Variants in KLHDC8A observed in about 807,000 individuals in gnomAD.
KLHDC8A encodes kelch domain containing 8A.
In KLHDC8A, 21 loss-of-function variants were observed where a neutral mutation model predicts 33.1. The observed-to-expected ratio is 0.64, with a 90% CI of 0.45 to 0.91. The LOEUF is 0.91. KLHDC8A is among the 40% of genes least tolerant of loss of function. KLHDC8A has a pLI of 0.00. For missense variants in KLHDC8A, 435 were observed against 483.3 expected (o/e 0.90, Z 0.94); for synonymous variants, 173 against 193.5 (o/e 0.89, Z 0.88).
At chr1:205,350,719 C>T (rs1663074260) in intron 1 of KLHDC8A, among the ~76,000 whole-genome samples, 1 of 152,234 alleles carries the variant, frequency 6.6e-6, no homozygotes, top group Admixed American at 6.5e-5. Flanking sequence ...TACACACCAG[C>T]CCTGCTGCTT....
Position 205,339,789 on chromosome 1 carries a change from T to C in KLHDC8A, c.396A>G (p.Ala132=). The change falls in exon 3 of 6, where the codon GCA becomes GCG. Residue 132 remains alanine, a synonymous_variant. Transcript: ENST00000367155. The surrounding 1 kb of genome is among the most constrained non-coding windows in gnomAD (Gnocchi z 5.1). Reference sequence around the variant, plus strand: ...GACGTAGGTCCAGGCCCATCCCGCCTGCCGCATATACTCGGTAATCTAAGA... The same window carrying C: ...GACGTAGGTCCAGGCCCATCCCGCCCGCCGCATATACTCGGTAATCTAAGA... ...VTAKDYRVYA[A]GGMGLDLRPH... is the part of the protein sequence containing the mutation. The C allele has an allele frequency of 1.2e-6, 2 of 1,613,974 alleles. No homozygotes were observed. The highest frequency in any genetic ancestry group is 1.7e-6 in the Non-Finnish European group (2 of 1,179,960).
At chr1:205,341,969 G>A (rs532678237) in intron 2 of KLHDC8A, among the ~76,000 whole-genome samples, 1 of 152,320 alleles carries the variant, frequency 6.6e-6, no homozygotes, top group Admixed American at 6.5e-5. Flanking sequence ...TCTTTCAATA[G>A]ACTGTAGGCC....
In KLHDC8A at chr1:205,343,346, C is replaced by A. The variant is rs370705821; in HGVS notation, c.259G>T (p.Val87Leu). ...LGKRIMVIGG[V>L]GTNQLPLKVV... ...TTCAGGGGCAGCTGATTGGTGCCCACGCCCCCAATCACCATGATCCGCTTC... is the reference window on the plus strand; with the variant it reads ...TTCAGGGGCAGCTGATTGGTGCCCAAGCCCCCAATCACCATGATCCGCTTC... The change falls in exon 2 of 6, where the codon GTG (valine) becomes TTG (leucine). Residue 87 changes from valine to leucine, a missense_variant. Transcript: ENST00000367155. 6.2e-7 allele frequency: 1 copy of A among 1,613,776 alleles called. No homozygotes were observed. The highest frequency in any genetic ancestry group is 1.7e-5 in the Admixed American group (1 of 60,026).
chr1:205,339,682 G>T lies in KLHDC8A; in HGVS notation c.503C>A (p.Ala168Asp), dbSNP rs1662737347. Residue 168 changes from alanine (A) to aspartate (D), a missense_variant, in exon 3 of 6, where the codon GCC becomes GAC. By Grantham distance (126) the Ala-to-Asp change is moderately radical. Coordinates refer to ENST00000367155, the MANE Select transcript of KLHDC8A (RefSeq NM_018203.3). This position sits in a 1 kb window ranked among gnomAD's most constrained non-coding sequence, Gnocchi z 5.1. The stretch of plus-strand genomic sequence containing the variant: ...CTTGGAGCCTCGGAGGAAGGAGGTG[G>T]CAGCATATCTCGGGGTGGGCATGGG... ...LAPMPTPRYA[A>D]TSFLRGSKIY... 1.2e-5 allele frequency: 19 copies of T among 1,614,066 alleles called. No individual in the cohort carries two copies. The highest frequency in any genetic ancestry group is 1.3e-5 in the Non-Finnish European group (15 of 1,180,034).
intron 1 of KLHDC8A, among the ~76,000 whole-genome samples, chr1:205,352,382 CACACACACACAT>C (rs1663138451): frequency 6.6e-6 from 1 of 152,112 alleles, no homozygotes; most frequent in Middle Eastern, 3.2e-3. Context: ...ACATTACACA[CACACACACACAT>C]ACACACACCC....
At chr1:205,342,375 G>C (rs951035842) in intron 2 of KLHDC8A, among the ~76,000 whole-genome samples, 1 of 152,170 alleles carries the variant, frequency 6.6e-6, no homozygotes, top group African/African-American at 2.4e-5. Context: ...ATGCTGCCCT[G>C]GGGGATTCTG....
intron 2 of KLHDC8A, among the ~76,000 whole-genome samples, chr1:205,340,492 C>CT (rs1011274744): frequency 6.1e-5 from 9 of 148,428 alleles, no homozygotes; most frequent in East Asian, 2.0e-4. Flanking sequence ...GAGAGGTATT[C>CT]TTTTTTTTTT....
In KLHDC8A at chr1:205,339,437, G is replaced by A. The variant is rs1323965911; in HGVS notation, c.542-28C>T. 2 of 1,599,010 alleles carry A rather than the reference G, an allele frequency of 1.3e-6. No homozygotes were observed. The highest frequency in any genetic ancestry group is 1.3e-5 in the African/African-American group (1 of 74,574). ...GGGGGCCAGAGCAGGATAGAGGTTG[G>A]GCAGAAGGGTTGTCCCTGAGGACAG... On this transcript the variant is annotated intron_variant, in intron 3 of 5. Transcript: ENST00000367155. The surrounding 1 kb of genome is among the most constrained non-coding windows in gnomAD (Gnocchi z 5.1).
intron 1 of KLHDC8A, among the ~76,000 whole-genome samples, chr1:205,354,403 C>A (rs1031122671): frequency 6.6e-6 from 1 of 152,186 alleles, no homozygotes; most frequent in African/African-American, 2.4e-5. Flanking sequence ...TGGACAGCAG[C>A]AATGCTTGGT....
rs573849584 is a variant in KLHDC8A, at chr1:205,337,549, T to C, written c.903A>G (p.Pro301=). ...GGAGGATCTCCCATTTGTTCTTCCC[T>C]GGGTGGAATGCTTCCGCCGTCTCCA... ...TVLETAEAFH[P]GKNKWEILPA... The change falls in exon 6 of 6, where the codon CCA becomes CCG. Residue 301 remains proline, a synonymous_variant. Transcript: ENST00000367155. The C allele has an allele frequency of 6.2e-7, 1 of 1,613,966 alleles. No homozygotes were observed. Among genetic ancestry groups the C allele is most frequent in the East Asian group, 2.2e-5 (1 of 44,878 alleles).
rs1663281730 is a variant in KLHDC8A, at chr1:205,356,583, A to G, written c.-240T>C. Reference sequence around the variant, plus strand: ...CCCGGCGATCATCTGCAAAAGACAAAGAAGGGGAGGGGCCGGGAGAGGGTC... The same window carrying G: ...CCCGGCGATCATCTGCAAAAGACAAGGAAGGGGAGGGGCCGGGAGAGGGTC... On this transcript the variant is annotated 5_prime_UTR_variant, in exon 1 of 6. Coordinates refer to ENST00000367155, the MANE Select transcript of KLHDC8A (RefSeq NM_018203.3). 2.2e-6 allele frequency: 1 copy of G among 456,246 alleles called. No homozygotes were observed. The highest frequency in any genetic ancestry group is 2.0e-5 in the African/African-American group (1 of 50,098). 28.3% of individuals were successfully genotyped at this position (456,246 alleles called of 1,614,324 possible). A position where few individuals can be genotyped will look rare whatever the true frequency, so the allele number is the denominator to read the frequency against.
In KLHDC8A at chr1:205,337,483, G is replaced by A. The variant is rs540477470; in HGVS notation, c.969C>T (p.Val323=). ...CCACGGCGAGGAGGCAGTTCTTGAC[G>A]ACTATGCTGGAGCAGGCACAGCGGG... ...PTPRCACSSI[V]VKNCLLAVGG... Residue 323 remains valine (V), a synonymous_variant, in exon 6 of 6, where the codon GTC becomes GTT. Transcript: ENST00000367155. 9 of 1,614,024 alleles carry A rather than the reference G, an allele frequency of 5.6e-6. No homozygotes were observed. Among genetic ancestry groups the A allele is most frequent in the Admixed American group, 5.0e-5 (3 of 60,008 alleles).
chr1:205,346,904 G>T (rs894451516), intron 1 of KLHDC8A, among the ~76,000 whole-genome samples: 5 of 152,190 alleles, frequency 3.3e-5, no homozygotes, highest in Non-Finnish European at 7.3e-5. Context: ...AGGCAGTGCA[G>T]GTAAGGAAGT....
At chr1:205,341,326 A>C (rs1662783196) in intron 2 of KLHDC8A, among the ~76,000 whole-genome samples, 1 of 149,318 alleles carries the variant, frequency 6.7e-6, no homozygotes, top group Non-Finnish European at 1.5e-5. Flanking sequence ...TGTAGGGATG[A>C]GTACTATTTC....
rs752148726 is a variant in KLHDC8A at position 205,343,303 on chromosome 1, T to C, written c.302A>G (p.Asn101Ser). Residue 101 changes from asparagine to serine, a missense_variant, in exon 2 of 6, where the codon AAC (asparagine) becomes AGC (serine). Physicochemically the swap from Asn to Ser is conservative, Grantham distance 46. Transcript: ENST00000367155. ...CTTCTTCCACTTGCCCTCATCGATG[T>C]TGTACATCTCCACGACCTTCAGGGG... ...QLPLKVVEMY[N>S]IDEGKWKKRS... is the part of the protein sequence containing the mutation. The C allele has an allele frequency of 5.6e-6, 9 of 1,613,288 alleles. No homozygotes were observed. The highest frequency in any genetic ancestry group is 1.3e-5 in the African/African-American group (1 of 74,882).
At position 205,339,409 on chromosome 1, in the gene KLHDC8A, C is replaced by T. The variant is rs766191604; in HGVS notation, c.542G>A (p.Gly181Glu). 1.9e-6 allele frequency: 3 copies of T among 1,612,694 alleles called. No homozygotes were observed. In the East Asian group the frequency reaches 6.7e-5, roughly 36 times the overall value. Residue 181 changes from glycine (G) to glutamate (E), a missense_variant and splice_region_variant, in exon 4 of 6, where the codon GGG (glycine) becomes GAG (glutamate). Physicochemically the swap from Gly to Glu is moderately conservative, Grantham distance 98. Transcript: ENST00000367155. This position sits in a 1 kb window ranked among gnomAD's most constrained non-coding sequence, Gnocchi z 5.1. ...GACCGCGTACTTGGACTGTCGTCCC[C>T]CTGGGGGCCAGAGCAGGATAGAGGT... ...FLRGSKIYVLGGRQSKYAVNA... is the reference protein window; with the variant it reads ...FLRGSKIYVLEGRQSKYAVNA...
At position 205,343,855 on chromosome 1, in the gene KLHDC8A, G is replaced by C. The variant is rs924352228; in HGVS notation, c.-189-62C>G. The C allele has an allele frequency of 1.2e-5, 6 of 487,906 alleles. No homozygotes were observed. The African/African-American group carries it at 1.2e-4, about 10-fold the overall frequency. The allele number at this position is 487,906 out of a possible 1,614,324, so 30.2% of individuals were successfully genotyped here. On this transcript the variant is annotated intron_variant, in intron 1 of 5. Coordinates refer to ENST00000367155, the MANE Select transcript of KLHDC8A (RefSeq NM_018203.3). The stretch of plus-strand genomic sequence containing the variant: ...GCCACGCGCCCTCCGGCGGGCAGCG[G>C]ATGGGCTCCGCAGCCCCTGGTCAAC...
intron 1 of KLHDC8A, among the ~76,000 whole-genome samples, chr1:205,352,743 G>T (rs1026188159): frequency 1.3e-5 from 2 of 152,228 alleles, no homozygotes; most frequent in African/African-American, 2.4e-5. Context: ...AGGTGGGTGT[G>T]TACCTGAGGA....
In KLHDC8A at chr1:205,356,513, T is replaced by C. The variant is rs1309614299; in HGVS notation, c.-190+20A>G. On this transcript the variant is annotated intron_variant, in intron 1 of 5. Coordinates refer to ENST00000367155, the MANE Select transcript of KLHDC8A (RefSeq NM_018203.3). ...ATGCCAAGGCATCACTCTGCATAGA[T>C]GGATTGAAATAAAACTTACCTGACT... The C allele has an allele frequency of 4.4e-6, 2 of 456,082 alleles. No homozygotes were observed. Among genetic ancestry groups the C allele is most frequent in the Non-Finnish European group, 8.8e-6 (2 of 226,958 alleles). 28.3% of individuals were successfully genotyped at this position (456,082 alleles called of 1,614,324 possible).
Sources: gnomAD v4.1 joint callset for allele counts (sites outside exome capture counted in the v4.1 genomes callset) on GRCh38, gnomAD v4.1.1 for gene constraint, Gnocchi (gnomAD v3.1) non-coding constraint, MANE v1.5 for transcripts, NCBI Gene and HGNC (gene_info 2026-07-23, HGNC 2026-07-21) for gene names.